Variants in MAP2K4 observed in about 807,000 individuals in gnomAD.
MAP2K4 encodes the protein dual specificity mitogen-activated protein kinase kinase 4.
Under a neutral mutation model 48.5 loss-of-function variants are expected in MAP2K4, and 4 were observed. That is an observed-to-expected ratio of 0.08 (90% CI 0.04 to 0.19). The LOEUF (loss-of-function observed/expected upper bound fraction) is 0.19, where lower values mean the gene tolerates loss of function less well. MAP2K4 is among the 10% of genes least tolerant of loss of function. MAP2K4 has a pLI of 1.00. For missense variants in MAP2K4, 258 were observed against 493.3 expected, an observed-to-expected ratio of 0.52 and a Z score of 4.52; for synonymous variants, 166 against 173.1, an observed-to-expected ratio of 0.96 and a Z score of 0.32.
At chr17:12,040,234 A>G (rs535156827) in intron 1 of MAP2K4, among the ~76,000 whole-genome samples, 2 of 152,292 alleles carry the variant, frequency 1.3e-5, no homozygotes, top group South Asian at 2.1e-4. Flanking sequence ...TTTCAGACAT[A>G]TGTGGGCTTT....
intron 9 of MAP2K4, 50 bp from the exon 10 acceptor site, chr17:12,139,789 T>G: frequency 7.7e-7 from 1 of 1,296,562 alleles, no homozygotes; most frequent in Non-Finnish European, 1.1e-6. Context: ...AGAAAAATAC[T>G]TAGGCAAATG....
chr17:12,118,241 G>A (rs1285926709), intron 7 of MAP2K4, among the ~76,000 whole-genome samples: 1 of 152,110 alleles, frequency 6.6e-6, no homozygotes, highest in East Asian at 1.9e-4. Flanking sequence ...CACTGTTTTG[G>A]CATGATTACC....
chr17:12,132,868 A>G (rs1332731291), intron 9 of MAP2K4, among the ~76,000 whole-genome samples: 3 of 152,188 alleles, frequency 2.0e-5, no homozygotes, highest in Non-Finnish European at 4.4e-5. Flanking sequence ...AATTTGGACC[A>G]TATTAGCCAT....
chr17:12,113,125 T>C (rs1597480036), intron 6 of MAP2K4, 108 bp from the exon 7 acceptor site: 1 of 895,528 alleles, frequency 1.1e-6, no homozygotes, highest in Non-Finnish European at 1.7e-6. Context: ...ATTTAAGGAC[T>C]TGACCACTTA....
chr17:12,076,880 TTG>T lies in MAP2K4; in HGVS notation c.219-4468_219-4467del, dbSNP rs964243177. On this transcript the variant is annotated intron_variant, in intron 2 of 10. Transcript: ENST00000353533. The stretch of plus-strand genomic sequence containing the variant: ...TTTTGTGTGTGTGTGTGTGTATTTT[TTG>T]TGTGTGTATCTTAATCAAATTGTAT... Among the ~76,000 whole-genome samples, 64 of 152,178 alleles carry T rather than the reference TTG, an allele frequency of 4.2e-4. 1 individual carries two copies. Among genetic ancestry groups the T allele is most frequent in the Admixed American group, 3.8e-3 (58 of 15,282 alleles).
chr17:12,091,731 T>C (rs1296400694), intron 3 of MAP2K4, among the ~76,000 whole-genome samples: 1 of 152,166 alleles, frequency 6.6e-6, no homozygotes, highest in Non-Finnish European at 1.5e-5. Flanking sequence ...ACCTGCTTTA[T>C]TGGGCTTATA....
intron 7 of MAP2K4, among the ~76,000 whole-genome samples, chr17:12,122,174 G>A (rs773594040): frequency 1.2e-4 from 19 of 152,286 alleles, no homozygotes; most frequent in Non-Finnish European, 2.4e-4. Flanking sequence ...TAGCTATTCC[G>A]TTCACCTTAT....
At chr17:12,064,566 G>A (rs2151533784) in intron 2 of MAP2K4, among the ~76,000 whole-genome samples, 1 of 152,290 alleles carries the variant, frequency 6.6e-6, no homozygotes, top group Middle Eastern at 3.4e-3. Context: ...TAAAAGACCA[G>A]GCAATATCTT....
At chr17:12,112,907 T>C (rs1972352109) in intron 6 of MAP2K4, 1 of 165,610 alleles carries the variant, frequency 6.0e-6, no homozygotes, top group Non-Finnish European at 1.3e-5. Context: ...TCATTTTCAA[T>C]AGAAGAAAAC....
intron 2 of MAP2K4, among the ~76,000 whole-genome samples, chr17:12,069,474 G>A (rs1970718278): frequency 6.6e-6 from 1 of 152,094 alleles, no homozygotes; most frequent in African/African-American, 2.4e-5. Flanking sequence ...CTTTTCTGTG[G>A]TGATAAAACA....
chr17:12,117,702 A>C (rs905447947), intron 7 of MAP2K4, among the ~76,000 whole-genome samples: 3 of 152,142 alleles, frequency 2.0e-5, no homozygotes, highest in Non-Finnish European at 4.4e-5. Flanking sequence ...CAGTTTGTTA[A>C]AGGGGATAAA....
rs954466763 is a variant in MAP2K4 at position 12,141,792 on chromosome 17, T to C, written c.*532T>C. On this transcript the variant is annotated 3_prime_UTR_variant, in exon 11 of 11. Transcript: ENST00000353533. ...AGTGCAATAGATTACTGATGTGATA[T>C]TCTGTTGCTTTACAGTTACAGTTGA... 6.4e-5 allele frequency: 15 copies of C among 234,210 alleles called. No homozygotes were observed. Among genetic ancestry groups the C allele is most frequent in the Non-Finnish European group, 9.3e-5 (11 of 118,498 alleles). 14.5% of individuals were successfully genotyped at this position (234,210 alleles called of 1,614,324 possible).
intron 1 of MAP2K4, among the ~76,000 whole-genome samples, chr17:12,043,726 A>G (rs754194842): frequency 1.3e-5 from 2 of 152,106 alleles, no homozygotes; most frequent in African/African-American, 4.8e-5. Context: ...GAGTAAGGGG[A>G]CAGGGGAATA....
chr17:12,118,125 A>C (rs1045704433), intron 7 of MAP2K4, among the ~76,000 whole-genome samples: 2 of 152,220 alleles, frequency 1.3e-5, no homozygotes, highest in Non-Finnish European at 2.9e-5. Flanking sequence ...TATGGTGATA[A>C]AGCATCTGCT....
intron 1 of MAP2K4, among the ~76,000 whole-genome samples, chr17:12,040,604 C>G (rs1267775200): frequency 6.6e-6 from 1 of 152,138 alleles, no homozygotes; most frequent in African/African-American, 2.4e-5. Flanking sequence ...TAAGATCAAT[C>G]CCACATCAGA....
chr17:12,086,174 G>T (rs1272750228), intron 3 of MAP2K4, among the ~76,000 whole-genome samples: 1 of 152,218 alleles, frequency 6.6e-6, no homozygotes, highest in East Asian at 1.9e-4. Flanking sequence ...GGATGCAGAT[G>T]TCATGGCTCT....
At chr17:12,090,784 A>G (rs1971537653) in intron 3 of MAP2K4, among the ~76,000 whole-genome samples, 1 of 152,184 alleles carries the variant, frequency 6.6e-6, no homozygotes, top group Non-Finnish European at 1.5e-5. Flanking sequence ...GTTTTCCTTG[A>G]CAGTATATAC....
chr17:12,091,487 A>G (rs1391880860), intron 3 of MAP2K4, among the ~76,000 whole-genome samples: 3 of 152,222 alleles, frequency 2.0e-5, no homozygotes, highest in African/African-American at 7.2e-5. Flanking sequence ...AGAACTCCCA[A>G]CAACTAAATT....
At chr17:12,049,607 A>G (rs1300380024) in intron 1 of MAP2K4, among the ~76,000 whole-genome samples, 2 of 152,168 alleles carry the variant, frequency 1.3e-5, no homozygotes, top group Non-Finnish European at 2.9e-5. Flanking sequence ...TTCATCAAGG[A>G]GAATAGACTG....
Sources: allele counts gnomAD v4.1 joint callset (sites outside exome capture counted in the v4.1 genomes callset), GRCh38; gene constraint gnomAD v4.1.1; transcripts MANE v1.5; gene names NCBI Gene and HGNC (gene_info 2026-07-23, HGNC 2026-07-21).